PLPP1: variants seen among roughly 807,000 people sequenced by gnomAD.
PLPP1 encodes the protein lipid phosphate phosphohydrolase 1a.
A neutral mutation model predicts 31.2 loss-of-function variants in PLPP1; 24 were observed. That is an observed-to-expected ratio of 0.77 (90% CI 0.56 to 1.08). The LOEUF is 1.08. PLPP1 is among the 50% of genes least tolerant of loss of function. The pLI, the probability that PLPP1 is intolerant of heterozygous loss-of-function variation, is 0.00. For missense variants in PLPP1, 319 were observed against 342.7 expected, an observed-to-expected ratio of 0.93 and a Z score of 0.55; for synonymous variants, 146 against 126.3, an observed-to-expected ratio of 1.16 and a Z score of -1.05.
intron 1 of PLPP1, among the ~76,000 whole-genome samples, chr5:55,486,629 C>T (rs898725296): frequency 2.0e-5 from 3 of 151,404 alleles, no homozygotes; most frequent in African/African-American, 7.3e-5. Context: ...AGTGATTAAG[C>T]CTTGGTCGGG....
Position 55,425,965 on chromosome 5 carries a change from G to A in PLPP1, c.624C>T (p.Ala208=), listed in dbSNP as rs199531906. Residue 208 remains alanine, a synonymous_variant, in exon 5 of 6, where the codon GCC becomes GCT. Transcript: ENST00000307259. ...GAGAAAGGCCCACATAAATGGATACGGCAACAAGACCAAATTGCAGTGTGG... is the reference window on the plus strand; with the variant it reads ...GAGAAAGGCCCACATAAATGGATACAGCAACAAGACCAAATTGCAGTGTGG... The part of the protein sequence containing the change: ...LRPTLQFGLV[A]VSIYVGLSRV... 30 of 1,613,768 alleles carry A rather than the reference G, an allele frequency of 1.9e-5. No individual in the cohort carries two copies. Among genetic ancestry groups the A allele is most frequent in the South Asian group, 3.3e-5 (3 of 91,054 alleles).
chr5:55,440,457 T>G (rs6886550), intron 4 of PLPP1, among the ~76,000 whole-genome samples: 135,708 of 152,238 alleles, frequency 0.89, 60,626 homozygotes, highest in Admixed American at 0.92. Flanking sequence ...TTTTCTAATA[T>G]GATAAATGAA....
intron 4 of PLPP1, among the ~76,000 whole-genome samples, chr5:55,437,676 CT>C (rs1751525070): frequency 6.6e-6 from 1 of 152,206 alleles, no homozygotes; most frequent in South Asian, 2.1e-4. Context: ...GATGACAGAT[CT>C]GTCCAGAAGA....
At chr5:55,472,312 T>C (rs1010587910) in intron 2 of PLPP1, among the ~76,000 whole-genome samples, 1 of 151,742 alleles carries the variant, frequency 6.6e-6, no homozygotes, top group African/African-American at 2.4e-5. Context: ...GTTGAGACAG[T>C]AGAGTATAGG....
chr5:55,506,410 CAAAACTTTAACAA>C (rs566102576), intron 1 of PLPP1, among the ~76,000 whole-genome samples: 13 of 152,158 alleles, frequency 8.5e-5, no homozygotes, highest in Admixed American at 7.2e-4. Flanking sequence ...GCAGGGAAAC[CAAAACTTTAACAA>C]AAAGTTTCTC....
chr5:55,469,407 T>C (rs1057395795), intron 2 of PLPP1, among the ~76,000 whole-genome samples: 9 of 151,796 alleles, frequency 5.9e-5, no homozygotes, highest in African/African-American at 2.2e-4. Flanking sequence ...GGAGAATCAA[T>C]TGAACCCAGG....
At chr5:55,440,666 G>T (rs1187266737) in intron 4 of PLPP1, among the ~76,000 whole-genome samples, 1 of 152,172 alleles carries the variant, frequency 6.6e-6, no homozygotes, top group Non-Finnish European at 1.5e-5. Flanking sequence ...ATGGCTTGAG[G>T]TTCTGACTTT....
At chr5:55,500,634 T>C in intron 1 of PLPP1, among the ~76,000 whole-genome samples, 1 of 71,480 alleles carries the variant, frequency 1.4e-5, no homozygotes, top group South Asian at 5.9e-4. Flanking sequence ...AGTTTTATTC[T>C]GTGGGTAGCA....
At chr5:55,530,783 C>T in intron 1 of PLPP1, 3 of 1,528,472 alleles carry the variant, frequency 2.0e-6, no homozygotes, top group Admixed American at 1.7e-5. Flanking sequence ...CTACAGAAAA[C>T]GTGCTGACAG....
intron 4 of PLPP1, among the ~76,000 whole-genome samples, chr5:55,432,482 TCTAA>T (rs887328620): frequency 3.3e-5 from 5 of 152,250 alleles, no homozygotes; most frequent in African/African-American, 7.2e-5. Context: ...CCCATTCTCC[TCTAA>T]CTATTCCAAA....
At chr5:55,486,328 T>A (rs543306671) in intron 1 of PLPP1, among the ~76,000 whole-genome samples, 6 of 152,366 alleles carry the variant, frequency 3.9e-5, no homozygotes, top group Middle Eastern at 3.4e-3. Flanking sequence ...TTCACACCTG[T>A]AATCTCAGCA....
chr5:55,472,082 A>C (rs1228506691), intron 2 of PLPP1, among the ~76,000 whole-genome samples: 1 of 152,226 alleles, frequency 6.6e-6, no homozygotes, highest in African/African-American at 2.4e-5. Flanking sequence ...TGATCACACC[A>C]CTGCACTCCA....
At chr5:55,509,692 C>T (rs1753362922) in intron 1 of PLPP1, among the ~76,000 whole-genome samples, 1 of 152,130 alleles carries the variant, frequency 6.6e-6, no homozygotes, top group East Asian at 1.9e-4. Context: ...TAAAAAATCA[C>T]GAGCTATTAG....
intron 3 of PLPP1, among the ~76,000 whole-genome samples, chr5:55,443,136 A>T (rs994254937): frequency 7.0e-6 from 1 of 143,426 alleles, no homozygotes; most frequent in Non-Finnish European, 1.5e-5. Flanking sequence ...TCACGTGTGT[A>T]TGTTTGGCAG....
intron 1 of PLPP1, among the ~76,000 whole-genome samples, chr5:55,481,192 A>G (rs770138452): frequency 8.5e-5 from 13 of 152,326 alleles, no homozygotes; most frequent in Middle Eastern, 3.4e-3. Flanking sequence ...GAACCATAAT[A>G]CAAATACTAA....
At chr5:55,497,860 G>A (rs568866284) in intron 1 of PLPP1, among the ~76,000 whole-genome samples, 4 of 152,236 alleles carry the variant, frequency 2.6e-5, no homozygotes, top group South Asian at 4.1e-4. Flanking sequence ...AACATGACAT[G>A]ATCTTGCAGG....
intron 3 of PLPP1, among the ~76,000 whole-genome samples, chr5:55,442,457 T>C (rs182990928): frequency 5.3e-5 from 8 of 151,944 alleles, no homozygotes; most frequent in Non-Finnish European, 1.2e-4. Flanking sequence ...ATCGAGACCA[T>C]CCTGGCCAAC....
intron 1 of PLPP1, among the ~76,000 whole-genome samples, chr5:55,496,020 G>A (rs545135693): frequency 4.6e-5 from 7 of 152,044 alleles, no homozygotes; most frequent in African/African-American, 7.2e-5. Context: ...ACCAAGCCCC[G>A]CTAATTTTTG....
intron 1 of PLPP1, among the ~76,000 whole-genome samples, chr5:55,507,699 CCAATTGAGT>C (rs1279239142): frequency 6.6e-6 from 1 of 151,980 alleles, no homozygotes; most frequent in Admixed American, 6.6e-5. Flanking sequence ...AGATTCAAAC[CCAATTGAGT>C]CAATGAGACC....
Sources: gnomAD v4.1 joint callset for allele counts (sites outside exome capture counted in the v4.1 genomes callset) on GRCh38, gnomAD v4.1.1 for gene constraint, MANE v1.5 for transcripts, NCBI Gene and HGNC (gene_info 2026-07-23, HGNC 2026-07-21) for gene names.